The following ESRRB variants were observed in gnomAD, a reference collection of about 807,000 sequenced individuals.
The protein encoded by ESRRB is estrogen related receptor beta.
ESRRB carries 16 observed loss-of-function variants against 46.0 expected under a neutral mutation model. The observed-to-expected ratio is 0.35, with a 90% CI of 0.24 to 0.53. The LOEUF is 0.53. ESRRB is among the 20% of genes least tolerant of loss of function. The pLI, the probability that ESRRB is intolerant of heterozygous loss-of-function variation, is 0.93. For missense variants in ESRRB, 488 were observed against 607.4 expected (o/e 0.80, Z 2.07); for synonymous variants, 246 against 259.6 (o/e 0.95, Z 0.50).
chr14:76,470,716 A>G (rs911080438), intron 3 of ESRRB, among the ~76,000 whole-genome samples: 13 of 152,058 alleles, frequency 8.5e-5, no homozygotes, highest in African/African-American at 3.1e-4. Flanking sequence ...GAGACAAGGT[A>G]TTGCTCTGTG....
intron 1 of ESRRB, among the ~76,000 whole-genome samples, chr14:76,340,123 A>G (rs1884175155): frequency 6.6e-6 from 1 of 152,170 alleles, no homozygotes; most frequent in Non-Finnish European, 1.5e-5. Flanking sequence ...GGAGGCCGGA[A>G]AAGGACAGCA....
chr14:76,430,262 T>TGCTTTA (rs1887385351), intron 1 of ESRRB, among the ~76,000 whole-genome samples: 1 of 152,232 alleles, frequency 6.6e-6, no homozygotes, highest in Admixed American at 6.5e-5. Context: ...TCTGAGGATC[T>TGCTTTA]GCTTTAATGG....
chr14:76,477,100 T>TA (rs1889614163), intron 3 of ESRRB, among the ~76,000 whole-genome samples: 1 of 151,836 alleles, frequency 6.6e-6, no homozygotes, highest in African/African-American at 2.4e-5. Flanking sequence ...TCAAAAACAG[T>TA]AAAAAAAGGA....
At chr14:76,355,837 A>G (rs1884372818) in intron 1 of ESRRB, among the ~76,000 whole-genome samples, 1 of 152,124 alleles carries the variant, frequency 6.6e-6, no homozygotes. Context: ...CTGCACCCTC[A>G]GCCTCCTGCT....
At chr14:76,452,626 A>C (rs6145393) in intron 2 of ESRRB, among the ~76,000 whole-genome samples, 2 of 124,278 alleles carry the variant, frequency 1.6e-5, no homozygotes, top group African/African-American at 8.5e-5. Flanking sequence ...TCTCCAAAAA[A>C]AAAAACAAAA....
At chr14:76,462,134 G>C (rs1199133828) in intron 2 of ESRRB, among the ~76,000 whole-genome samples, 1 of 152,174 alleles carries the variant, frequency 6.6e-6, no homozygotes, top group Non-Finnish European at 1.5e-5. Flanking sequence ...CACATGTTGG[G>C]GTCCCAGGCT....
At chr14:76,411,018 A>G (rs1886415126) in intron 1 of ESRRB, among the ~76,000 whole-genome samples, 1 of 151,606 alleles carries the variant, frequency 6.6e-6, no homozygotes, top group Non-Finnish European at 1.5e-5. Context: ...TCCTGATCTC[A>G]GGTGATCTGC....
At chr14:76,351,967 AGAGT>A (rs1191341307) in intron 1 of ESRRB, among the ~76,000 whole-genome samples, 1 of 145,678 alleles carries the variant, frequency 6.9e-6, no homozygotes, top group Admixed American at 7.0e-5. Context: ...CCTGGGAGAC[AGAGT>A]GAGACCCAGT....
rs933047671 is a variant in ESRRB at position 76,500,194 on chromosome 14, T to C, written c.*1736T>C. On this transcript the variant is annotated 3_prime_UTR_variant, in exon 7 of 7. Transcript: ENST00000644823. ...ATCCCAGACAGGAGGGAGGGCTGGC[T>C]GAAATCCACAAACTGCAGAGCAGCT... 8 of 730,836 alleles carry C rather than the reference T, an allele frequency of 1.1e-5. No individual in the cohort carries two copies. The highest frequency in any genetic ancestry group is 5.3e-5 in the African/African-American group (3 of 56,144). 45.3% of individuals were successfully genotyped at this position (730,836 alleles called of 1,614,324 possible). A position where few individuals can be genotyped will look rare whatever the true frequency, so the allele number is the denominator to read the frequency against.
intron 3 of ESRRB, among the ~76,000 whole-genome samples, chr14:76,475,946 G>A (rs1889564623): frequency 6.6e-6 from 1 of 151,364 alleles, no homozygotes; most frequent in Non-Finnish European, 1.5e-5. Context: ...CGCTTACCCA[G>A]TTTCCCCTAA....
intron 3 of ESRRB, among the ~76,000 whole-genome samples, chr14:76,466,402 G>A (rs115698871): frequency 0.011 from 1,682 of 152,198 alleles, 22 homozygotes; most frequent in African/African-American, 0.038. Flanking sequence ...ATCAGACTTG[G>A]GGCTTCCTCT....
In ESRRB at chr14:76,376,798, A is replaced by C. The variant is rs1884784526; in HGVS notation, c.50+347A>C. ...GGAGCAAGAAGGGAGGCAGAAGCCC[A>C]GAACAGGTGCAGGGATGTGGTTGCA... is the stretch of plus-strand genomic sequence containing the variant. On this transcript the variant is annotated intron_variant, in intron 1 of 6. Transcript: ENST00000644823. The surrounding 1 kb of genome is among the most constrained non-coding windows in gnomAD (Gnocchi z 4.1). Among the ~76,000 whole-genome samples the C allele has an allele frequency of 6.6e-6, 1 of 152,228 alleles. No homozygotes were observed. Among genetic ancestry groups the C allele is most frequent in the Admixed American group, 6.5e-5 (1 of 15,292 alleles).
chr14:76,423,985 C>T (rs1391575757), intron 1 of ESRRB, among the ~76,000 whole-genome samples: 1 of 152,126 alleles, frequency 6.6e-6, no homozygotes, highest in East Asian at 1.9e-4. Context: ...ACTGGAGCCC[C>T]TGGCTGTCTT....
rs551313663 is a variant in ESRRB at position 76,330,839 on chromosome 14, G to C, written c.2+19923G>C. Reference sequence around the variant, plus strand: ...GGGCAGGGGTATGCTGAGGAGTCCTGGGAGAATCTGGGAATGCAGGGTGGG... The same window carrying C: ...GGGCAGGGGTATGCTGAGGAGTCCTCGGAGAATCTGGGAATGCAGGGTGGG... On this transcript the variant is annotated intron_variant, in intron 1 of 6. Coordinates refer to the ESRRB transcript ENST00000512784. 2.6e-5 allele frequency among the ~76,000 whole-genome samples: 4 copies of C among 152,258 alleles called. No individual in the cohort carries two copies. In the South Asian group the frequency reaches 8.3e-4, roughly 32 times the overall value.
At chr14:76,468,390 GCC>G (rs11310778) in intron 3 of ESRRB, among the ~76,000 whole-genome samples, 1,263 of 101,194 alleles carry the variant, frequency 0.012, 19 homozygotes, top group Middle Eastern at 0.015. Context: ...TACACACACT[GCC>G]CCCCCCCCAA....
At chr14:76,493,990 C>A (rs748725328) in intron 6 of ESRRB, among the ~76,000 whole-genome samples, 2 of 152,222 alleles carry the variant, frequency 1.3e-5, no homozygotes, top group Non-Finnish European at 2.9e-5. Context: ...GAGGTCCCAT[C>A]TTTGCCTTGC....
chr14:76,401,418 G>A (rs1885937977), intron 1 of ESRRB, among the ~76,000 whole-genome samples: 1 of 152,180 alleles, frequency 6.6e-6, no homozygotes, highest in Admixed American at 6.5e-5. Flanking sequence ...CATTCCTTGA[G>A]CATTCGTGGA....
chr14:76,489,736 T>G lies in ESRRB; in HGVS notation c.851-1711T>G, dbSNP rs372629314. ...AGTGACCCCTAAGGTTCAACTGCCATGCCCTGTGTGGAAGCCAGGGAAGAA... is the reference window on the plus strand; with the variant it reads ...AGTGACCCCTAAGGTTCAACTGCCAGGCCCTGTGTGGAAGCCAGGGAAGAA... On this transcript the variant is annotated intron_variant, in intron 5 of 6. Coordinates refer to ENST00000644823, the MANE Select transcript of ESRRB (RefSeq NM_001379180.1). Among the ~76,000 whole-genome samples the G allele has an allele frequency of 2.6e-5, 4 of 152,238 alleles. No individual in the cohort carries two copies. In the South Asian group the frequency reaches 6.2e-4, roughly 24 times the overall value.
intron 5 of ESRRB, among the ~76,000 whole-genome samples, chr14:76,488,667 C>G (rs2980890): frequency 0.1 from 15,256 of 152,170 alleles, 874 homozygotes; most frequent in Middle Eastern, 0.16. Context: ...AGCTCAGTGT[C>G]TGTGCACCCT....
Sources: allele counts gnomAD v4.1 joint callset (sites outside exome capture counted in the v4.1 genomes callset), GRCh38; gene constraint gnomAD v4.1.1; non-coding constraint Gnocchi (gnomAD v3.1); transcripts MANE v1.5; gene names NCBI Gene and HGNC (gene_info 2026-07-23, HGNC 2026-07-21).